Variants in OCA2 observed in about 807,000 individuals in gnomAD.
The protein encoded by OCA2 is P protein.
In OCA2, 77 loss-of-function variants were observed where a neutral mutation model predicts 100.2. That is an observed-to-expected ratio of 0.77 (90% CI 0.64 to 0.93). The LOEUF (loss-of-function observed/expected upper bound fraction) is 0.93, where lower values mean the gene tolerates loss of function less well. OCA2 is among the 40% of genes least tolerant of loss of function. OCA2 has a pLI of 0.00. For synonymous variants in OCA2, 432 were observed against 439.2 expected, an observed-to-expected ratio of 0.98 and a Z score of 0.21; for missense variants, 1,062 against 1,089.1, an observed-to-expected ratio of 0.98 and a Z score of 0.35.
the OCA2 span, among the ~76,000 whole-genome samples, chr15:27,745,054 G>A: frequency 1.6e-4 from 24 of 152,264 alleles, no homozygotes; most frequent in African/African-American, 5.3e-4. Context: ...TTTGTTACAG[G>A]AAAGGAGTCC....
At chr15:28,069,163 C>T (rs187573983) in intron 2 of OCA2, among the ~76,000 whole-genome samples, 6 of 152,044 alleles carry the variant, frequency 3.9e-5, no homozygotes, top group East Asian at 1.9e-4. Flanking sequence ...TCTCTCTTCA[C>T]GGACAATATG....
chr15:27,786,866 C>T (rs79181818), intron 23 of OCA2, among the ~76,000 whole-genome samples: 5 of 152,044 alleles, frequency 3.3e-5, no homozygotes, highest in Admixed American at 2.0e-4. Context: ...AGTTTCAATC[C>T]GAGGGAAAAC....
At chr15:28,045,142 A>G (rs1262342254) in intron 2 of OCA2, among the ~76,000 whole-genome samples, 1 of 152,018 alleles carries the variant, frequency 6.6e-6, no homozygotes, top group Non-Finnish European at 1.5e-5. Flanking sequence ...TGCATTAATT[A>G]TTTTGTATGA....
chr15:28,028,869 A>C (rs1376164946), intron 3 of OCA2, among the ~76,000 whole-genome samples: 1 of 152,130 alleles, frequency 6.6e-6, no homozygotes, highest in South Asian at 2.1e-4. Context: ...TATTTTTAGT[A>C]GAGATGGGGT....
intron 19 of OCA2, among the ~76,000 whole-genome samples, chr15:27,909,987 T>C (rs1268060569): frequency 6.6e-6 from 1 of 151,998 alleles, no homozygotes; most frequent in Non-Finnish European, 1.5e-5. Flanking sequence ...CTAATATCCC[T>C]AATAAATAAA....
chr15:27,936,255 T>A (rs561374592), intron 18 of OCA2, among the ~76,000 whole-genome samples: 28 of 146,924 alleles, frequency 1.9e-4, no homozygotes, highest in Middle Eastern at 3.4e-3. Flanking sequence ...ACTCCACAGT[T>A]GGGTGGGTGA....
chr15:27,881,798 C>T (rs1381074004), intron 19 of OCA2, among the ~76,000 whole-genome samples: 1 of 151,794 alleles, frequency 6.6e-6, no homozygotes, highest in Non-Finnish European at 1.5e-5. Context: ...TCTACCTGTC[C>T]TATTGATTCT....
chr15:27,729,560 G>A, the OCA2 span, among the ~76,000 whole-genome samples: 1 of 152,168 alleles, frequency 6.6e-6, no homozygotes, highest in African/African-American at 2.4e-5. Flanking sequence ...CTGTAAGGAG[G>A]ATGGCTTTCC....
intron 2 of OCA2, among the ~76,000 whole-genome samples, chr15:28,046,982 T>C (rs1307463274): frequency 6.6e-6 from 1 of 152,202 alleles, no homozygotes; most frequent in African/African-American, 2.4e-5. Context: ...GGAACAACTC[T>C]AGATCTGGAA....
chr15:27,836,203 G>C (rs924360302), intron 23 of OCA2, among the ~76,000 whole-genome samples: 1 of 152,152 alleles, frequency 6.6e-6, no homozygotes, highest in Admixed American at 6.5e-5. Context: ...AAGATTTTAC[G>C]TCGAGGTGCA....
At chr15:27,778,370 G>GA in intron 23 of OCA2, among the ~76,000 whole-genome samples, 1 of 152,254 alleles carries the variant, frequency 6.6e-6, no homozygotes. Flanking sequence ...CAAAAAGAAA[G>GA]AAAAACAAAA....
chr15:28,041,109 A>G (rs2043188184), intron 2 of OCA2, among the ~76,000 whole-genome samples: 2 of 152,164 alleles, frequency 1.3e-5, no homozygotes, highest in African/African-American at 4.8e-5. Context: ...ATCCTCAACA[A>G]AATACTCAAT....
chr15:27,861,478 G>C (rs1267316570), intron 21 of OCA2, among the ~76,000 whole-genome samples: 2 of 152,062 alleles, frequency 1.3e-5, no homozygotes, highest in Admixed American at 6.5e-5. Flanking sequence ...AGAGAGTGGA[G>C]GTCAGAGCTG....
chr15:28,035,955 T>G (rs773994910), intron 2 of OCA2, among the ~76,000 whole-genome samples: 2 of 152,174 alleles, frequency 1.3e-5, no homozygotes, highest in African/African-American at 2.4e-5. Flanking sequence ...TTCCTACATA[T>G]AAATGAATAT....
chr15:27,870,810 A>AAGAAAGAGAG (rs372518302), intron 21 of OCA2, among the ~76,000 whole-genome samples: 4 of 88,138 alleles, frequency 4.5e-5, no homozygotes, highest in African/African-American at 1.1e-4. Flanking sequence ...GAAAGAAAGA[A>AAGAAAGAGAG]AGAGAGAGAG....
At chr15:27,934,079 A>G (rs2039361647) in intron 18 of OCA2, among the ~76,000 whole-genome samples, 1 of 152,182 alleles carries the variant, frequency 6.6e-6, no homozygotes, top group Admixed American at 6.5e-5. Context: ...TATGTGATAT[A>G]CATATATATC....
intron 20 of OCA2, 66 bp from the exon 21 acceptor site, chr15:27,871,324 G>A (rs1311779703): frequency 1.2e-5 from 15 of 1,250,758 alleles, no homozygotes; most frequent in African/African-American, 4.4e-5. Flanking sequence ...CCCACCAGCC[G>A]CGAGACTCAG....
chr15:27,761,333 C>A (rs2030819136), intron 23 of OCA2, among the ~76,000 whole-genome samples: 1 of 151,816 alleles, frequency 6.6e-6, no homozygotes, highest in Non-Finnish European at 1.5e-5. Context: ...AAACACAATA[C>A]CACTTAAAAT....
intron 18 of OCA2, among the ~76,000 whole-genome samples, chr15:27,939,694 A>G (rs1735322388): frequency 6.6e-6 from 1 of 152,250 alleles, no homozygotes; most frequent in Admixed American, 6.5e-5. Context: ...TCAGTGCTGC[A>G]GGTGCATTAG....
Sources: gnomAD v4.1 joint callset for allele counts (sites outside exome capture counted in the v4.1 genomes callset) on GRCh38, gnomAD v4.1.1 for gene constraint, MANE v1.5 for transcripts, NCBI Gene and HGNC (gene_info 2026-07-23, HGNC 2026-07-21) for gene names.